ZC3H6: variants seen among roughly 807,000 people sequenced by gnomAD.
ZC3H6 encodes zinc finger CCCH-type containing 6.
ZC3H6 carries 40 observed loss-of-function variants against 107.7 expected under a neutral mutation model. The ratio of observed to expected loss-of-function variants is 0.37; its 90% confidence interval spans 0.29 to 0.48. The LOEUF (loss-of-function observed/expected upper bound fraction) is 0.48, where lower values mean the gene tolerates loss of function less well. Ranked by LOEUF, ZC3H6 falls within the 20% of genes least tolerant of loss-of-function variation. The probability of loss-of-function intolerance (pLI) is 0.98; values close to 1 mark genes in which losing one functional copy is unlikely to be tolerated. For synonymous variants in ZC3H6, 493 were observed against 487.9 expected, an observed-to-expected ratio of 1.01 and a Z score of -0.14; for missense variants, 1,267 against 1,410.4, an observed-to-expected ratio of 0.90 and a Z score of 1.63.
intron 2 of ZC3H6, among the ~76,000 whole-genome samples, chr2:112,301,821 G>A (rs1222345597): frequency 6.6e-6 from 1 of 151,470 alleles, no homozygotes; most frequent in Non-Finnish European, 1.5e-5. Flanking sequence ...TTTTAAAAAA[G>A]ATCAACAACA....
chr2:112,283,630 A>G (rs1341060463), intron 1 of ZC3H6, among the ~76,000 whole-genome samples: 1 of 152,228 alleles, frequency 6.6e-6, no homozygotes, highest in African/African-American at 2.4e-5. Flanking sequence ...TAGACAGAGA[A>G]GATATTAATA....
intron 1 of ZC3H6, among the ~76,000 whole-genome samples, chr2:112,289,485 C>T (rs966994502): frequency 1.3e-5 from 2 of 151,020 alleles, no homozygotes; most frequent in African/African-American, 2.4e-5. Flanking sequence ...CAACCACGCC[C>T]AGCTGATTTA....
chr2:112,324,833 T>C, intron 10 of ZC3H6, 131 bp from the exon 11 acceptor site: 1 of 1,129,028 alleles, frequency 8.9e-7, no homozygotes, highest in Non-Finnish European at 1.2e-6. Context: ...GAATTTTAGA[T>C]AACTTTTAGA....
In ZC3H6 at chr2:112,331,854, C is replaced by G; in HGVS notation, c.2936C>G (p.Thr979Arg). ...FDPRLHRLPN[T>R]ESHQVVMKDS... Reference sequence around the variant, plus strand: ...CCTAGGCTTCACAGACTGCCCAATACAGAGTCTCATCAAGTGGTTATGAAG... The same window carrying G: ...CCTAGGCTTCACAGACTGCCCAATAGAGAGTCTCATCAAGTGGTTATGAAG... The change falls in exon 12 of 12, where the codon ACA becomes AGA. Residue 979 changes from threonine (T) to arginine (R), a missense_variant. By Grantham distance (71) the Thr-to-Arg change is moderately conservative (BLOSUM62 -1). Coordinates refer to ENST00000409871, the MANE Select transcript of ZC3H6 (RefSeq NM_198581.3). 6.2e-7 allele frequency: 1 copy of G among 1,613,894 alleles called. No homozygotes were observed. Among genetic ancestry groups the G allele is most frequent in the Non-Finnish European group, 8.5e-7 (1 of 1,179,878 alleles).
rs1302316302 is a variant in ZC3H6, at chr2:112,332,510, C to A, written c.*22C>A. ...TTAGCTATTGTGTAACTGAGCAATT[C>A]TTTTCACTCTTGTGACTATCTCAGT... On this transcript the variant is annotated 3_prime_UTR_variant, in exon 12 of 12. Coordinates refer to ENST00000409871, the MANE Select transcript of ZC3H6 (RefSeq NM_198581.3). 1 of 1,578,952 alleles carries A rather than the reference C, an allele frequency of 6.3e-7. No individual in the cohort carries two copies.
In ZC3H6 at chr2:112,321,859, G is replaced by A; in HGVS notation, c.1080G>A (p.Leu360=). The change falls in exon 8 of 12, where the codon TTG becomes TTA. Residue 360 remains leucine, a synonymous_variant. Coordinates refer to ENST00000409871, the MANE Select transcript of ZC3H6 (RefSeq NM_198581.3). ...TAACTAAAGAAACAAAGAAACTTTT[G>A]GACAAAGTGAGTAATATTTTTGTAC... ...DDLTKETKKL[L]DKVLNTDEEL... The A allele has an allele frequency of 2.7e-6, 4 of 1,471,788 alleles. No individual in the cohort carries two copies. The highest frequency in any genetic ancestry group is 3.6e-6 in the Non-Finnish European group (4 of 1,096,316). 91.2% of individuals were successfully genotyped at this position (1,471,788 alleles called of 1,614,324 possible).
chr2:112,323,018 A>G, intron 9 of ZC3H6, 116 bp downstream of exon 9: 5 of 1,115,242 alleles, frequency 4.5e-6, no homozygotes, highest in Non-Finnish European at 6.3e-6. Context: ...GATAGCACAT[A>G]TCTGGCATGC....
chr2:112,325,983 T>C (rs1424466894), intron 11 of ZC3H6, among the ~76,000 whole-genome samples: 1 of 152,032 alleles, frequency 6.6e-6, no homozygotes, highest in Non-Finnish European at 1.5e-5. Context: ...AAACATGACA[T>C]TTATGAAAAA....
At position 112,275,974 on chromosome 2, in the gene ZC3H6, C is replaced by A; in HGVS notation, c.-21C>A. ...GGCCTCGCAGACCTGCCCTCCAGCC[C>A]CGCCCCGTTCTTGACCAAACATGAC... On this transcript the variant is annotated 5_prime_UTR_variant, in exon 1 of 12. Transcript: ENST00000409871. 6.5e-7 allele frequency: 1 copy of A among 1,529,780 alleles called. No individual in the cohort carries two copies. The highest frequency in any genetic ancestry group is 1.4e-5 in the African/African-American group (1 of 70,232). The allele number at this position is 1,529,780 out of a possible 1,614,324, so 94.8% of individuals were successfully genotyped here. A position where few individuals can be genotyped will look rare whatever the true frequency, so the allele number is the denominator to read the frequency against.
At position 112,322,692 on chromosome 2, in the gene ZC3H6, A is replaced by G; in HGVS notation, c.1130A>G (p.Glu377Gly). 1.2e-6 allele frequency: 2 copies of G among 1,612,242 alleles called. No homozygotes were observed. Among genetic ancestry groups the G allele is most frequent in the Non-Finnish European group, 1.7e-6 (2 of 1,179,446 alleles). Residue 377 changes from glutamate to glycine, a missense_variant, in exon 9 of 12, where the codon GAA (glutamate) becomes GGA (glycine). Glu to Gly is a moderately conservative substitution (Grantham distance 98, BLOSUM62 -2). Coordinates refer to ENST00000409871, the MANE Select transcript of ZC3H6 (RefSeq NM_198581.3). ...DEELINEDER[E>G]LEELRKRGIT... ...GAACTCATAAATGAAGATGAAAGAG[A>G]ATTAGAGGAACTTAGAAAGCGTGGC...
chr2:112,313,709 C>A (rs1266901023), intron 5 of ZC3H6, among the ~76,000 whole-genome samples: 1 of 152,006 alleles, frequency 6.6e-6, no homozygotes, highest in African/African-American at 2.4e-5. Context: ...TGCCAGAGCC[C>A]ACGGAAGCAG....
At chr2:112,294,137 A>G (rs1418457739) in intron 1 of ZC3H6, among the ~76,000 whole-genome samples, 6 of 152,206 alleles carry the variant, frequency 3.9e-5, no homozygotes, top group African/African-American at 1.4e-4. Context: ...CTATCTTTCC[A>G]TATTCTGAAG....
At chr2:112,284,752 A>G (rs915822470) in intron 1 of ZC3H6, among the ~76,000 whole-genome samples, 1 of 152,156 alleles carries the variant, frequency 6.6e-6, no homozygotes, top group African/African-American at 2.4e-5. Context: ...TAATATCTGG[A>G]GCAAAAATGA....
At position 112,336,058 on chromosome 2, in the gene ZC3H6, C is replaced by T. The variant is rs1677131879; in HGVS notation, c.*3570C>T. On this transcript the variant is annotated 3_prime_UTR_variant, in exon 12 of 12. Transcript: ENST00000409871. Reference sequence around the variant, plus strand: ...TAGAAACAACAGATATATTCACACCCAGTCTGTAATATGTATTTCTTCAGG... The same window carrying T: ...TAGAAACAACAGATATATTCACACCTAGTCTGTAATATGTATTTCTTCAGG... 6.6e-6 allele frequency: 1 copy of T among 152,184 alleles called. No homozygotes were observed. The highest frequency in any genetic ancestry group is 2.1e-4 in the South Asian group (1 of 4,822). The allele number at this position is 152,184 out of a possible 1,614,324, so 9.4% of individuals were successfully genotyped here. A position where few individuals can be genotyped will look rare whatever the true frequency, so the allele number is the denominator to read the frequency against.
At chr2:112,317,470 C>G (rs1333649103) in intron 7 of ZC3H6, 138 bp downstream of exon 7, 2 of 486,764 alleles carry the variant, frequency 4.1e-6, no homozygotes, top group Admixed American at 8.6e-5. Context: ...TAAACCCAGT[C>G]TAGTCAAACT....
chr2:112,319,623 G>A (rs1340162652), intron 7 of ZC3H6, among the ~76,000 whole-genome samples: 1 of 151,564 alleles, frequency 6.6e-6, no homozygotes, highest in African/African-American at 2.4e-5. Context: ...TCCAGCCTGA[G>A]CAACAGAGCA....
In ZC3H6 at chr2:112,275,697, G is replaced by A; in HGVS notation, c.-298G>A. On this transcript the variant is annotated 5_prime_UTR_variant, in exon 1 of 12. Coordinates refer to ENST00000409871, the MANE Select transcript of ZC3H6 (RefSeq NM_198581.3). Reference sequence around the variant, plus strand: ...ATCCCCGCGTCGCTGCACGCCGCCCGCCCGCTCCCACGCCACAGCCACCGG... The same window carrying A: ...ATCCCCGCGTCGCTGCACGCCGCCCACCCGCTCCCACGCCACAGCCACCGG... 2.4e-6 allele frequency: 1 copy of A among 418,452 alleles called. No homozygotes were observed. The highest frequency in any genetic ancestry group is 4.2e-6 in the Non-Finnish European group (1 of 236,272). 25.9% of individuals were successfully genotyped at this position (418,452 alleles called of 1,614,324 possible).
Position 112,331,181 on chromosome 2 carries a change from G to C in ZC3H6, c.2263G>C (p.Val755Leu). ...LAKEKSKGNQ[V>L]VDPRLRTIPR... Reference sequence around the variant, plus strand: ...TAAAGAGAAAAGTAAAGGAAACCAAGTGGTTGACCCTAGGCTTAGGACTAT... The same window carrying C: ...TAAAGAGAAAAGTAAAGGAAACCAACTGGTTGACCCTAGGCTTAGGACTAT... Residue 755 changes from valine (V) to leucine (L), a missense_variant, in exon 12 of 12, where the codon GTG becomes CTG. Around this residue, in one of 3 missense-constraint regions of ZC3H6, gnomAD observed 925 missense variants for 1,025.7 expected, o/e 0.90. Coordinates refer to ENST00000409871, the MANE Select transcript of ZC3H6 (RefSeq NM_198581.3). 6.2e-7 allele frequency: 1 copy of C among 1,613,652 alleles called. No homozygotes were observed. Among genetic ancestry groups the C allele is most frequent in the East Asian group, 2.2e-5 (1 of 44,872 alleles).
In ZC3H6 at chr2:112,337,264, A is replaced by AT. The variant is rs886499545; in HGVS notation, c.*4782dup. The AT allele has an allele frequency of 6.4e-4, 96 of 150,020 alleles. No homozygotes were observed. The highest frequency in any genetic ancestry group is 2.3e-3 in the African/African-American group (95 of 40,780). The allele number at this position is 150,020 out of a possible 1,614,324, so 9.3% of individuals were successfully genotyped here. A position where few individuals can be genotyped will look rare whatever the true frequency, so the allele number is the denominator to read the frequency against. ...ATTTATTCCTATAAAGGTCTGCAGG[A>AT]TTTTTTCTGTAACCAGAAAAGTAAC... On this transcript the variant is annotated 3_prime_UTR_variant, in exon 12 of 12. Coordinates refer to ENST00000409871, the MANE Select transcript of ZC3H6 (RefSeq NM_198581.3).
Sources: allele counts gnomAD v4.1 joint callset (sites outside exome capture counted in the v4.1 genomes callset), GRCh38; gene constraint gnomAD v4.1.1; regional missense constraint gnomAD v4.1.1; transcripts MANE v1.5; gene names NCBI Gene and HGNC (gene_info 2026-07-23, HGNC 2026-07-21).